KIF6: variants seen among roughly 807,000 people sequenced by gnomAD.
KIF6 encodes kinesin-like protein KIF6.
In KIF6, 106 loss-of-function variants were observed where a neutral mutation model predicts 112.7. The observed-to-expected ratio is 0.94, with a 90% confidence interval of 0.80 to 1.11. The LOEUF is 1.11. Ranked by LOEUF, KIF6 falls within the 50% of genes least tolerant of loss-of-function variation. The pLI is 0.00. For missense variants in KIF6, 929 were observed against 964.0 expected, an observed-to-expected ratio of 0.96 and a Z score of 0.48; for synonymous variants, 339 against 339.9, an observed-to-expected ratio of 1.00 and a Z score of 0.03.
In KIF6 at chr6:39,639,610, C is replaced by T. The variant is rs760465321; in HGVS notation, c.399G>A (p.Lys133=). ...TLSYIFEQLQ[K]DSSKIYTTHI... ...ATGATATGAACGAAAAGTTTCATAC[C>T]TTTTGTAACTGTTCAAAAATGTATG... The change falls in exon 4 of 23, where the codon AAG becomes AAA. Residue 133 remains lysine, a splice_region_variant and synonymous_variant. Coordinates refer to ENST00000287152, the MANE Select transcript of KIF6 (RefSeq NM_145027.6). 23 of 1,561,970 alleles carry T rather than the reference C, an allele frequency of 1.5e-5. No individual in the cohort carries two copies. Among genetic ancestry groups the T allele is most frequent in the South Asian group, 8.6e-5 (7 of 81,394 alleles).
intron 3 of KIF6, among the ~76,000 whole-genome samples, chr6:39,656,767 A>G (rs1407797455): frequency 2.6e-5 from 4 of 152,184 alleles, no homozygotes; most frequent in Non-Finnish European, 5.9e-5. Flanking sequence ...GAGAACTCCT[A>G]TATTTCCACA....
chr6:39,392,915 C>A (rs894023776), intron 15 of KIF6, among the ~76,000 whole-genome samples: 5 of 152,142 alleles, frequency 3.3e-5, no homozygotes, highest in Non-Finnish European at 4.4e-5. Context: ...AAAATATAAG[C>A]CCTTGGGTTG....
chr6:39,352,909 A>G (rs1764369187), intron 19 of KIF6, among the ~76,000 whole-genome samples: 1 of 152,190 alleles, frequency 6.6e-6, no homozygotes, highest in South Asian at 2.1e-4. Flanking sequence ...CAGACTTGAT[A>G]GCTGAATAAT....
chr6:39,571,718 T>C (rs891110249), intron 10 of KIF6, among the ~76,000 whole-genome samples: 9 of 152,250 alleles, frequency 5.9e-5, no homozygotes, highest in African/African-American at 2.2e-4. Flanking sequence ...TAACCCACCA[T>C]GAGGTCACCA....
At chr6:39,502,770 G>A (rs985516240) in intron 13 of KIF6, among the ~76,000 whole-genome samples, 3 of 152,150 alleles carry the variant, frequency 2.0e-5, no homozygotes, top group African/African-American at 7.2e-5. Context: ...AATGGTTAAA[G>A]GTTCAATTCA....
intron 13 of KIF6, among the ~76,000 whole-genome samples, chr6:39,506,273 G>A (rs573683420): frequency 5.9e-5 from 9 of 152,244 alleles, no homozygotes; most frequent in Non-Finnish European, 1.2e-4. Flanking sequence ...AATACCTCAT[G>A]TTCTGACTTA....
At position 39,345,605 on chromosome 6, in the gene KIF6, G is replaced by A. The variant is rs80139026; in HGVS notation, c.2321+95C>T. On this transcript the variant is annotated intron_variant, in intron 21 of 22. Coordinates refer to ENST00000287152, the MANE Select transcript of KIF6 (RefSeq NM_145027.6). ...CCTGGGTTCTGTCTGTGTGGCTACT[G>A]GACGAGGGGCTTTTTCGGGGAGTAG... The A allele has an allele frequency of 1.2e-3, 1,197 of 999,492 alleles. 11 individuals are homozygous for A. The African/African-American group carries it at 0.016, about 13-fold the overall frequency. 61.9% of individuals were successfully genotyped at this position (999,492 alleles called of 1,614,324 possible).
At chr6:39,681,267 T>A (rs1157813457) in intron 3 of KIF6, among the ~76,000 whole-genome samples, 1 of 152,130 alleles carries the variant, frequency 6.6e-6, no homozygotes, top group African/African-American at 2.4e-5. Context: ...GAATACCCAA[T>A]TAAAAGCAAA....
chr6:39,414,681 GT>G (rs1769769006), intron 15 of KIF6, among the ~76,000 whole-genome samples: 1 of 152,240 alleles, frequency 6.6e-6, no homozygotes, highest in Admixed American at 6.5e-5. Flanking sequence ...CTAGGGTCTA[GT>G]TTGAGCCTTT....
chr6:39,604,156 G>A (rs569060054), intron 6 of KIF6, among the ~76,000 whole-genome samples: 1 of 152,208 alleles, frequency 6.6e-6, no homozygotes, highest in South Asian at 2.1e-4. Context: ...TGCTCTATCT[G>A]AGTTGAAGAC....
intron 13 of KIF6, among the ~76,000 whole-genome samples, chr6:39,462,192 C>A (rs530069045): frequency 6.6e-6 from 1 of 152,096 alleles, no homozygotes; most frequent in African/African-American, 2.4e-5. Flanking sequence ...TGTATGAGAA[C>A]GTTTGGAGGG....
chr6:39,480,200 C>G (rs1045019183), intron 13 of KIF6, among the ~76,000 whole-genome samples: 16 of 152,044 alleles, frequency 1.1e-4, no homozygotes, highest in African/African-American at 3.9e-4. Flanking sequence ...TCATGGATGG[C>G]TTTTTATTAC....
chr6:39,572,412 T>C (rs1353587904), intron 10 of KIF6, among the ~76,000 whole-genome samples: 1 of 152,156 alleles, frequency 6.6e-6, no homozygotes, highest in East Asian at 1.9e-4. Context: ...CCAAAGCACC[T>C]ATTAAAATGA....
At chr6:39,444,714 C>T (rs1022497021) in intron 13 of KIF6, among the ~76,000 whole-genome samples, 1 of 151,996 alleles carries the variant, frequency 6.6e-6, no homozygotes, top group Admixed American at 6.6e-5. Context: ...TTTTCCAAAA[C>T]GCTCCTTTTG....
At chr6:39,533,949 T>C (rs1278555951) in intron 13 of KIF6, among the ~76,000 whole-genome samples, 3 of 152,208 alleles carry the variant, frequency 2.0e-5, no homozygotes, top group Admixed American at 6.5e-5. Flanking sequence ...CCCAGGCAGA[T>C]AGGGTCTGGA....
chr6:39,484,025 G>A (rs1159450019), intron 13 of KIF6, among the ~76,000 whole-genome samples: 2 of 152,174 alleles, frequency 1.3e-5, no homozygotes, highest in African/African-American at 4.8e-5. Context: ...AGTGCAGTGT[G>A]ACAAATGATA....
chr6:39,359,212 C>T (rs909392542), intron 18 of KIF6, among the ~76,000 whole-genome samples: 3 of 152,254 alleles, frequency 2.0e-5, no homozygotes, highest in African/African-American at 7.2e-5. Context: ...AGCATTCTGC[C>T]AGCCAGAAAA....
intron 3 of KIF6, among the ~76,000 whole-genome samples, chr6:39,659,453 C>T (rs576966531): frequency 6.6e-6 from 1 of 152,252 alleles, no homozygotes; most frequent in Admixed American, 6.5e-5. Flanking sequence ...GGCTTTCTCA[C>T]CTTATTAATG....
intron 2 of KIF6, among the ~76,000 whole-genome samples, chr6:39,716,504 T>C (rs754506221): frequency 2.0e-5 from 3 of 152,178 alleles, no homozygotes; most frequent in Non-Finnish European, 4.4e-5. Flanking sequence ...TTTTATACAA[T>C]ATAGTTGCAT....
Sources: gnomAD v4.1 joint callset for allele counts (sites outside exome capture counted in the v4.1 genomes callset) on GRCh38, gnomAD v4.1.1 for gene constraint, MANE v1.5 for transcripts, NCBI Gene and HGNC (gene_info 2026-07-23, HGNC 2026-07-21) for gene names.